Variants in MACROD1 observed in about 807,000 individuals in gnomAD.
MACROD1 encodes ADP-ribose glycohydrolase MACROD1.
MACROD1 carries 31 observed loss-of-function variants against 41.4 expected under a neutral mutation model. That is an observed-to-expected ratio of 0.75 (90% CI 0.56 to 1.01). The LOEUF is 1.01. Ranked by LOEUF, MACROD1 falls within the 50% of genes least tolerant of loss-of-function variation. The pLI is 0.00. For missense variants in MACROD1, 473 were observed against 460.0 expected (o/e 1.03, Z -0.26); for synonymous variants, 252 against 203.4 (o/e 1.24, Z -2.03).
chr11:64,045,106 G>T (rs1001350164), intron 3 of MACROD1, among the ~76,000 whole-genome samples: 11 of 152,338 alleles, frequency 7.2e-5, no homozygotes, highest in Non-Finnish European at 1.5e-4. Flanking sequence ...GGTGCATGTG[G>T]TGGGTGGCAT....
intron 3 of MACROD1, among the ~76,000 whole-genome samples, chr11:64,051,734 C>T (rs1943699238): frequency 1.3e-5 from 2 of 152,160 alleles, no homozygotes; most frequent in African/African-American, 4.8e-5. Flanking sequence ...AGTGGTTTGG[C>T]CAGATAGCCC....
At chr11:64,100,819 C>T (rs914417784) in intron 3 of MACROD1, among the ~76,000 whole-genome samples, 1 of 152,184 alleles carries the variant, frequency 6.6e-6, no homozygotes, top group African/African-American at 2.4e-5. Flanking sequence ...AGTATCCCAG[C>T]ACTGGGGTTC....
At chr11:64,117,174 A>G in intron 3 of MACROD1, 1 of 1,614,056 alleles carries the variant, frequency 6.2e-7, no homozygotes, top group Non-Finnish European at 8.5e-7. Context: ...GGACCTGTCC[A>G]ACAACAACCT....
At chr11:64,010,797 G>C (rs1943000126) in intron 4 of MACROD1, among the ~76,000 whole-genome samples, 1 of 146,130 alleles carries the variant, frequency 6.8e-6, no homozygotes, top group Non-Finnish European at 1.5e-5. Flanking sequence ...TTGGGATGTT[G>C]GCTGGCATGT....
intron 1 of MACROD1, among the ~76,000 whole-genome samples, chr11:64,164,503 T>C (rs1945805209): frequency 6.6e-6 from 1 of 152,114 alleles, no homozygotes; most frequent in Non-Finnish European, 1.5e-5. Context: ...CAGGGGTCTC[T>C]GCCAGCCCCA....
chr11:64,138,649 G>T, intron 3 of MACROD1: 2 of 631,042 alleles, frequency 3.2e-6, no homozygotes, highest in Non-Finnish European at 4.0e-6. Context: ...GCTCGGCTCT[G>T]GTTTTTACCG....
intron 3 of MACROD1, among the ~76,000 whole-genome samples, chr11:64,028,559 T>TC (rs1943252311): frequency 6.6e-6 from 1 of 152,166 alleles, no homozygotes; most frequent in Admixed American, 6.5e-5. Flanking sequence ...GCCCCTCTGC[T>TC]CCCTCCGCGG....
intron 3 of MACROD1, among the ~76,000 whole-genome samples, chr11:64,068,880 A>G (rs1225741262): frequency 7.2e-5 from 11 of 152,256 alleles, no homozygotes; most frequent in Non-Finnish European, 1.6e-4. Flanking sequence ...GGAGGTTCAC[A>G]GAAGTGTGGG....
chr11:64,026,464 C>T (rs1429596254), intron 3 of MACROD1, among the ~76,000 whole-genome samples: 1 of 152,204 alleles, frequency 6.6e-6, no homozygotes, highest in East Asian at 1.9e-4. Flanking sequence ...ACGCCCCATG[C>T]ACACATGCAC....
chr11:64,024,295 G>A (rs989638118), intron 3 of MACROD1, among the ~76,000 whole-genome samples: 4 of 152,202 alleles, frequency 2.6e-5, no homozygotes, highest in South Asian at 2.1e-4. Context: ...TAAGTTCTCC[G>A]TGCTTTGCAT....
In MACROD1 at chr11:63,999,575, G is replaced by A. The variant is rs1023344220; in HGVS notation, c.787-15C>T. On this transcript the variant is annotated splice_polypyrimidine_tract_variant and intron_variant, in intron 6 of 10. Transcript: ENST00000255681. ...CAGGGGAACGCCTGGGCGGGGAGGGGTGAGAGGGGGTTGGAACATTGTCAC... is the reference window on the plus strand; with the variant it reads ...CAGGGGAACGCCTGGGCGGGGAGGGATGAGAGGGGGTTGGAACATTGTCAC... The A allele has an allele frequency of 6.2e-7, 1 of 1,610,226 alleles. No individual in the cohort carries two copies. Among genetic ancestry groups the A allele is most frequent in the Middle Eastern group, 1.7e-4 (1 of 6,024 alleles).
At chr11:64,062,791 G>A (rs1943929453) in intron 3 of MACROD1, among the ~76,000 whole-genome samples, 1 of 152,144 alleles carries the variant, frequency 6.6e-6, no homozygotes, top group African/African-American at 2.4e-5. Context: ...GGGGTGCCTG[G>A]CTTTATCAGG....
At position 64,151,341 on chromosome 11, in the gene MACROD1, C is replaced by T. The variant is rs760019387; in HGVS notation, c.415G>A (p.Val139Met). Residue 139 changes from valine to methionine, a missense_variant, in exon 3 of 11, where the codon GTG (valine) becomes ATG (methionine). Val to Met is a conservative substitution (Grantham distance 21, BLOSUM62 1). Transcript: ENST00000255681. ...TCCTTTTTATACCTGGGCTCCTCCACCTTCACAGCCACCCCTGGAACAAGT... is the reference window on the plus strand; with the variant it reads ...TCCTTTTTATACCTGGGCTCCTCCATCTTCACAGCCACCCCTGGAACAAGT... ...KEMAKGVAVK[V>M]EEPRYKKDKQ... 25 of 1,613,378 alleles carry T rather than the reference C, an allele frequency of 1.5e-5. No individual in the cohort carries two copies. The highest frequency in any genetic ancestry group is 5.0e-5 in the Admixed American group (3 of 60,026).
chr11:64,121,577 C>T (rs536851958), intron 3 of MACROD1, among the ~76,000 whole-genome samples: 1 of 152,344 alleles, frequency 6.6e-6, no homozygotes, highest in South Asian at 2.1e-4. Context: ...CCCATCCCCT[C>T]TTGGCCCAGC....
At chr11:64,124,749 C>T (rs1455038094) in intron 3 of MACROD1, among the ~76,000 whole-genome samples, 1 of 152,066 alleles carries the variant, frequency 6.6e-6, no homozygotes, top group Non-Finnish European at 1.5e-5. Flanking sequence ...GGTGCAATCT[C>T]GGCTCACCGC....
intron 3 of MACROD1, among the ~76,000 whole-genome samples, chr11:64,018,137 G>A (rs1943106694): frequency 6.6e-6 from 1 of 152,196 alleles, no homozygotes; most frequent in South Asian, 2.1e-4. Flanking sequence ...ATTTGCCACA[G>A]GCAGGAGAGT....
intron 4 of MACROD1, chr11:64,001,922 C>T (rs957052496): frequency 3.3e-6 from 2 of 613,056 alleles, no homozygotes; most frequent in African/African-American, 3.7e-5. Flanking sequence ...CATTTAACCT[C>T]TCTGGGTCTC....
At chr11:64,152,192 C>A (rs1158413732) in intron 2 of MACROD1, 100 bp downstream of exon 2, 10 of 906,892 alleles carry the variant, frequency 1.1e-5, no homozygotes, top group Non-Finnish European at 1.6e-5. Flanking sequence ...GCAGCAAGCA[C>A]TCGATACATG....
At chr11:64,024,536 G>C (rs570905696) in intron 3 of MACROD1, among the ~76,000 whole-genome samples, 22 of 152,348 alleles carry the variant, frequency 1.4e-4, no homozygotes, top group African/African-American at 5.3e-4. Flanking sequence ...GCTGCTGCCT[G>C]GGCCTCCCCT....
Sources: gnomAD v4.1 joint callset for allele counts (sites outside exome capture counted in the v4.1 genomes callset) on GRCh38, gnomAD v4.1.1 for gene constraint, MANE v1.5 for transcripts, NCBI Gene and HGNC (gene_info 2026-07-23, HGNC 2026-07-21) for gene names.